Variants in GPAT4 observed in about 807,000 individuals in gnomAD.
GPAT4 encodes glycerol-3-phosphate acyltransferase 4.
In GPAT4, 17 loss-of-function variants were observed where a neutral mutation model predicts 58.0. The ratio of observed to expected loss-of-function variants is 0.29; its 90% CI spans 0.20 to 0.44. GPAT4 has a LOEUF of 0.44. Among genes scored for constraint, GPAT4 ranks in the 20% least tolerant of loss-of-function variants. The pLI is 1.00. For missense variants in GPAT4, 377 were observed against 574.5 expected (o/e 0.66, Z 3.51); for synonymous variants, 204 against 210.1 (o/e 0.97, Z 0.25).
At position 41,624,298 on chromosome 8, in the gene GPAT4, C is replaced by T. The variant is rs1803848027; in HGVS notation, c.*3297C>T. The T allele has an allele frequency of 6.6e-6, 1 of 152,218 alleles. No individual in the cohort carries two copies. The highest frequency in any genetic ancestry group is 1.5e-5 in the Non-Finnish European group (1 of 68,066). The allele number at this position is 152,218 out of a possible 1,614,324, so 9.4% of individuals were successfully genotyped here. ...GGGAGTGCTCCAGATCCCTGAAATGCCCTTCCCAGACCAGTGACAGGCATT... is the reference window on the plus strand; with the variant it reads ...GGGAGTGCTCCAGATCCCTGAAATGTCCTTCCCAGACCAGTGACAGGCATT... On this transcript the variant is annotated 3_prime_UTR_variant, in exon 13 of 13. Coordinates refer to ENST00000396987, the MANE Select transcript of GPAT4 (RefSeq NM_178819.4).
chr8:41,590,277 G>A (rs555666749), intron 1 of GPAT4, among the ~76,000 whole-genome samples: 1 of 152,264 alleles, frequency 6.6e-6, no homozygotes, highest in Non-Finnish European at 1.5e-5. Context: ...AGTAGAGATG[G>A]GGTTTCACCA....
rs1802988770 is a variant in GPAT4, at chr8:41,598,435, G to A, written c.-705G>A. The A allele has an allele frequency of 6.6e-6, 1 of 152,210 alleles. No homozygotes were observed. Among genetic ancestry groups the A allele is most frequent in the Admixed American group, 6.5e-5 (1 of 15,274 alleles). 9.4% of individuals were successfully genotyped at this position (152,210 alleles called of 1,614,324 possible). On this transcript the variant is annotated 5_prime_UTR_variant, in exon 2 of 13. Coordinates refer to ENST00000396987, the MANE Select transcript of GPAT4 (RefSeq NM_178819.4). ...GCACTCGCAGTATGAGACATTGTGTGCCAGCATCTCTTTCCTTCTGGCAAA... is the reference window on the plus strand; with the variant it reads ...GCACTCGCAGTATGAGACATTGTGTACCAGCATCTCTTTCCTTCTGGCAAA...
chr8:41,589,058 G>A (rs1175340714), intron 1 of GPAT4, among the ~76,000 whole-genome samples: 1 of 152,174 alleles, frequency 6.6e-6, no homozygotes, highest in Non-Finnish European at 1.5e-5. Flanking sequence ...ATAGCCTCTC[G>A]TAAAAGAACG....
chr8:41,600,510 G>T (rs926885927), intron 2 of GPAT4, among the ~76,000 whole-genome samples: 5 of 151,552 alleles, frequency 3.3e-5, no homozygotes, highest in African/African-American at 1.2e-4. Context: ...ACATTATAGT[G>T]TGAAATATTT....
intron 2 of GPAT4, among the ~76,000 whole-genome samples, chr8:41,600,583 A>G (rs1408408397): frequency 6.7e-6 from 1 of 149,632 alleles, no homozygotes; most frequent in Non-Finnish European, 1.5e-5. Flanking sequence ...CTATAAGCAT[A>G]TGGTGTTTTT....
In GPAT4 at chr8:41,611,977, T is replaced by C; in HGVS notation, c.686T>C (p.Ile229Thr). Residue 229 changes from isoleucine (I) to threonine (T), a missense_variant, in exon 6 of 13, where the codon ATC becomes ACC. Transcript: ENST00000396987. ...RICVRALTAIITYHDRENRPR... is the reference protein window; with the variant it reads ...RICVRALTAITTYHDRENRPR... ...TGCGTGCGAGCGCTGACAGCCATCA[T>C]CACCTACCATGACAGGTGAGAGCGC... The C allele has an allele frequency of 6.2e-7, 1 of 1,614,176 alleles. No individual in the cohort carries two copies. The highest frequency in any genetic ancestry group is 1.1e-5 in the South Asian group (1 of 91,076).
Position 41,623,469 on chromosome 8 carries a change from C to G in GPAT4, c.*2468C>G, listed in dbSNP as rs912546092. The stretch of plus-strand genomic sequence containing the variant: ...GTGGAAAGTGCTGGTCAGCTGCTAA[C>G]CCCCCTCCAAGCCTGCTGCACCTTC... On this transcript the variant is annotated 3_prime_UTR_variant, in exon 13 of 13. Transcript: ENST00000396987. 4 of 152,256 alleles carry G rather than the reference C, an allele frequency of 2.6e-5. No individual in the cohort carries two copies. The highest frequency in any genetic ancestry group is 4.4e-5 in the Non-Finnish European group (3 of 68,066). 9.4% of individuals were successfully genotyped at this position (152,256 alleles called of 1,614,324 possible).
At chr8:41,585,121 A>C (rs1172898553) in intron 1 of GPAT4, among the ~76,000 whole-genome samples, 1 of 151,768 alleles carries the variant, frequency 6.6e-6, no homozygotes, top group Non-Finnish European at 1.5e-5. Flanking sequence ...AATTTCTTAC[A>C]CTCTACCAGT....
chr8:41,618,538 G>A, intron 10 of GPAT4, 146 bp from the exon 11 acceptor site: 1 of 1,001,886 alleles, frequency 1.0e-6, no homozygotes, highest in Non-Finnish European at 1.5e-6. Context: ...CACATGGAGA[G>A]GGGCTTCCAC....
At position 41,612,928 on chromosome 8, in the gene GPAT4, G is replaced by A. The variant is rs199736328; in HGVS notation, c.879G>A (p.Ser293=). ...KACPHVWFER[S]EVKDRHLVAK... ...GCCCACACGTCTGGTTTGAGCGCTCGGAAGTGAAGGATCGCCACCTGGTGG... is the reference window on the plus strand; with the variant it reads ...GCCCACACGTCTGGTTTGAGCGCTCAGAAGTGAAGGATCGCCACCTGGTGG... The change falls in exon 8 of 13, where the codon TCG becomes TCA. Residue 293 remains serine, a synonymous_variant. Transcript: ENST00000396987. 6.2e-5 allele frequency: 100 copies of A among 1,614,124 alleles called. 1 individual carries two copies. In the South Asian group the frequency reaches 9.2e-4, roughly 15 times the overall value.
At chr8:41,602,120 A>G (rs1221250044) in intron 2 of GPAT4, among the ~76,000 whole-genome samples, 1 of 152,058 alleles carries the variant, frequency 6.6e-6, no homozygotes, top group Non-Finnish European at 1.5e-5. Context: ...ACACCCGGCT[A>G]ATTTTTGTAT....
intron 5 of GPAT4, among the ~76,000 whole-genome samples, chr8:41,611,638 G>A (rs978977655): frequency 3.3e-5 from 5 of 152,300 alleles, no homozygotes; most frequent in East Asian, 1.9e-4. Flanking sequence ...AGTTCAGCCC[G>A]CCTGTGGTCT....
At position 41,609,294 on chromosome 8, in the gene GPAT4, G is replaced by T. The variant is rs1391937877; in HGVS notation, c.166-122G>T. 5 of 1,022,668 alleles carry T rather than the reference G, an allele frequency of 4.9e-6. No homozygotes were observed. The Admixed American group carries it at 1.0e-4, about 21-fold the overall frequency. 63.3% of individuals were successfully genotyped at this position (1,022,668 alleles called of 1,614,324 possible). A position where few individuals can be genotyped will look rare whatever the true frequency, so the allele number is the denominator to read the frequency against. The stretch of plus-strand genomic sequence containing the variant: ...GTTTGAGTTTCCTTCTAGACTATGT[G>T]CTTCTTGGCTACGGTCTTAGGTGAC... On this transcript the variant is annotated intron_variant, in intron 2 of 12. Transcript: ENST00000396987.
chr8:41,610,742 A>G lies in GPAT4; in HGVS notation c.543A>G (p.Ala181=). 6.2e-7 allele frequency: 1 copy of G among 1,610,224 alleles called. No homozygotes were observed. The highest frequency in any genetic ancestry group is 8.5e-7 in the Non-Finnish European group (1 of 1,178,068). The stretch of plus-strand genomic sequence containing the variant: ...ACTTTTCTTCTTCTTACAGGATAGC[A>G]CTGGCTTTCACAGGGATTAGCCTTC... The part of the protein sequence containing the change: ...RYCFLLPLRI[A]LAFTGISLLV... Residue 181 remains alanine, a synonymous_variant, in exon 5 of 13, where the codon GCA becomes GCG. Coordinates refer to ENST00000396987, the MANE Select transcript of GPAT4 (RefSeq NM_178819.4).
At chr8:41,619,154 G>A in intron 12 of GPAT4, 177 bp downstream of exon 12, 2 of 724,280 alleles carry the variant, frequency 2.8e-6, no homozygotes, top group East Asian at 2.7e-5. Context: ...TGACCTTGGG[G>A]AACCTGGATC....
intron 1 of GPAT4, among the ~76,000 whole-genome samples, chr8:41,595,989 C>T (rs995726178): frequency 2.0e-5 from 3 of 152,148 alleles, no homozygotes; most frequent in African/African-American, 7.2e-5. Flanking sequence ...GGTCTAGGCG[C>T]CCTGGCTTTC....
intron 10 of GPAT4, among the ~76,000 whole-genome samples, chr8:41,615,629 T>C (rs541375051): frequency 2.0e-5 from 3 of 152,266 alleles, no homozygotes; most frequent in Non-Finnish European, 4.4e-5. Flanking sequence ...AGCTATAGGA[T>C]GTGATTAGCT....
intron 2 of GPAT4, among the ~76,000 whole-genome samples, chr8:41,599,787 T>C (rs766419589): frequency 2.6e-5 from 4 of 152,248 alleles, no homozygotes; most frequent in Non-Finnish European, 4.4e-5. Flanking sequence ...TCTGAACATA[T>C]GTCAGAACTT....
chr8:41,594,731 G>C (rs1311553671), intron 1 of GPAT4, among the ~76,000 whole-genome samples: 1 of 151,998 alleles, frequency 6.6e-6, no homozygotes, highest in Non-Finnish European at 1.5e-5. Context: ...ATTTTTAGTA[G>C]AGACGGGGTT....
Sources: allele counts gnomAD v4.1 joint callset (sites outside exome capture counted in the v4.1 genomes callset), GRCh38; gene constraint gnomAD v4.1.1; transcripts MANE v1.5; gene names NCBI Gene and HGNC (gene_info 2026-07-23, HGNC 2026-07-21).